RASGEF1A: variants seen among roughly 807,000 people sequenced by gnomAD.
RASGEF1A encodes the protein ras-GEF domain-containing family member 1A.
A neutral mutation model predicts 56.4 loss-of-function variants in RASGEF1A; 18 were observed. The observed-to-expected ratio is 0.32, with a 90% CI of 0.22 to 0.47. The LOEUF (loss-of-function observed/expected upper bound fraction) is 0.47, where lower values mean the gene tolerates loss of function less well. Among genes scored for constraint, RASGEF1A ranks in the 20% least tolerant of loss-of-function variants. RASGEF1A has a pLI of 1.00. For synonymous variants in RASGEF1A, 245 were observed against 242.6 expected (o/e 1.01, Z -0.09); for missense variants, 422 against 627.1 (o/e 0.67, Z 3.49).
Position 43,206,066 on chromosome 10 carries a change from G to C in RASGEF1A, c.51C>G (p.Ser17Arg). The C allele has an allele frequency of 2.5e-6, 4 of 1,605,398 alleles. No individual in the cohort carries two copies. Among genetic ancestry groups the C allele is most frequent in the Non-Finnish European group, 3.4e-6 (4 of 1,176,434 alleles). ...CCCCCATGCCAGGCTGCACCTGTCC[G>C]CTACAGCTGGGCCCAAGGATGCTGG... is the stretch of plus-strand genomic sequence containing the variant. ...VFSSILGPSC[S>R]GQVQPGMGER... The change falls in exon 2 of 13, where the codon AGC (serine) becomes AGG (arginine). Residue 17 changes from serine to arginine, a missense_variant. Coordinates refer to ENST00000395810, the MANE Select transcript of RASGEF1A (RefSeq NM_145313.4).
chr10:43,203,424 A>C lies in RASGEF1A; in HGVS notation c.199-4T>G. The C allele has an allele frequency of 6.5e-7, 1 of 1,544,910 alleles. No individual in the cohort carries two copies. Among genetic ancestry groups the C allele is most frequent in the Non-Finnish European group, 8.8e-7 (1 of 1,141,312 alleles). ...GAAAGGTGAAGATGTACGTCCTCTG[A>C]AGGCAGGAGACGGAGAGAGGGCGGA... is the stretch of plus-strand genomic sequence containing the variant. On this transcript the variant is annotated splice_region_variant and splice_polypyrimidine_tract_variant and intron_variant, in intron 2 of 12. Transcript: ENST00000395810.
At chr10:43,231,809 G>A (rs1188496634) in intron 1 of RASGEF1A, among the ~76,000 whole-genome samples, 1 of 152,264 alleles carries the variant, frequency 6.6e-6, no homozygotes, top group Admixed American at 6.5e-5. Flanking sequence ...CCTGCAGCTG[G>A]GGCTGAGGCT....
intron 1 of RASGEF1A, among the ~76,000 whole-genome samples, chr10:43,245,045 T>G (rs576539519): frequency 6.6e-6 from 1 of 151,834 alleles, no homozygotes; most frequent in South Asian, 2.1e-4. Context: ...AAAATAAAAC[T>G]GACAAACTTC....
chr10:43,202,107 C>T (rs1839909687), intron 3 of RASGEF1A, among the ~76,000 whole-genome samples, 162 bp from the exon 4 acceptor site: 1 of 152,206 alleles, frequency 6.6e-6, no homozygotes, highest in Non-Finnish European at 1.5e-5. Flanking sequence ...CCTGAACCGC[C>T]ACATGACTCC....
chr10:43,231,815 A>C (rs1840372863), intron 1 of RASGEF1A, among the ~76,000 whole-genome samples: 1 of 152,218 alleles, frequency 6.6e-6, no homozygotes, highest in African/African-American at 2.4e-5. Flanking sequence ...GCTGGGGCTG[A>C]GGCTGTCCTG....
intron 7 of RASGEF1A, 135 bp downstream of exon 7, chr10:43,199,541 C>T: frequency 2.8e-6 from 2 of 723,322 alleles, no homozygotes; most frequent in Non-Finnish European, 4.8e-6. Context: ...GGGGGACCAC[C>T]AAGGCCCTGA....
intron 1 of RASGEF1A, among the ~76,000 whole-genome samples, chr10:43,239,423 A>G (rs554752690): frequency 1.3e-5 from 2 of 152,352 alleles, no homozygotes; most frequent in Non-Finnish European, 2.9e-5. Context: ...CCTCTCTTCC[A>G]TAAACGCAAC....
In RASGEF1A at chr10:43,200,277, G is replaced by A. The variant is rs748087725; in HGVS notation, c.682-21C>T. ...CTGTCCTGGGGTGGAAGATAGCAAA[G>A]GGAAGGTGACAAGCTTCCCCTGGAG... is the stretch of plus-strand genomic sequence containing the variant. On this transcript the variant is annotated intron_variant, in intron 5 of 12. Transcript: ENST00000395810. 65 of 1,589,916 alleles carry A rather than the reference G, an allele frequency of 4.1e-5. No homozygotes were observed. The South Asian group carries it at 5.1e-4, about 12-fold the overall frequency.
chr10:43,196,846 G>C lies in RASGEF1A; in HGVS notation c.1348+130C>G. The C allele has an allele frequency of 8.6e-7, 1 of 1,163,706 alleles. No individual in the cohort carries two copies. The highest frequency in any genetic ancestry group is 1.2e-6 in the Non-Finnish European group (1 of 829,352). The allele number at this position is 1,163,706 out of a possible 1,614,324, so 72.1% of individuals were successfully genotyped here. On this transcript the variant is annotated intron_variant, in intron 11 of 12. Coordinates refer to ENST00000395810, the MANE Select transcript of RASGEF1A (RefSeq NM_145313.4). This position sits in a 1 kb window ranked among gnomAD's most constrained non-coding sequence, Gnocchi z 4.6. ...CACCCTCATGCACACTCGCCCCTGC[G>C]AGCAGAGCCAGCCCTGTGTGGCATG...
At position 43,263,274 on chromosome 10, in the gene RASGEF1A, T is replaced by C. The variant is rs117394935; in HGVS notation, c.-7+3571A>G. ...AAATGGGTGTCTGGGAACAAGGCAG[T>C]GGACATCCACGGCCTCTCAAGAAGA... On this transcript the variant is annotated intron_variant, in intron 1 of 12. Transcript: ENST00000395810. 7.4e-3 allele frequency among the ~76,000 whole-genome samples: 1,122 copies of C among 152,050 alleles called. 5 individuals carry two copies. The highest frequency in any genetic ancestry group is 0.017 in the Middle Eastern group (5 of 292).
At chr10:43,203,511 C>CA in intron 2 of RASGEF1A, 91 bp from the exon 3 acceptor site, 1 of 1,443,030 alleles carries the variant, frequency 6.9e-7, no homozygotes, top group Non-Finnish European at 9.2e-7. Context: ...GGCTGCCTCC[C>CA]AGGCCCAGCA....
In RASGEF1A at chr10:43,196,835, C is replaced by G; in HGVS notation, c.1348+141G>C. On this transcript the variant is annotated intron_variant, in intron 11 of 12. Coordinates refer to ENST00000395810, the MANE Select transcript of RASGEF1A (RefSeq NM_145313.4). This position sits in a 1 kb window ranked among gnomAD's most constrained non-coding sequence, Gnocchi z 4.6. ...ATCCCATGACCCACCCTCATGCACACTCGCCCCTGCGAGCAGAGCCAGCCC... is the reference window on the plus strand; with the variant it reads ...ATCCCATGACCCACCCTCATGCACAGTCGCCCCTGCGAGCAGAGCCAGCCC... The G allele has an allele frequency of 2.9e-6, 3 of 1,045,892 alleles. No individual in the cohort carries two copies. 64.8% of individuals were successfully genotyped at this position (1,045,892 alleles called of 1,614,324 possible).
At position 43,202,780 on chromosome 10, in the gene RASGEF1A, A is replaced by C. The variant is rs1403951479; in HGVS notation, c.321+518T>G. On this transcript the variant is annotated intron_variant, in intron 3 of 12. Transcript: ENST00000395810. Reference sequence around the variant, plus strand: ...CGCTCCCACCACGCCCCTAACCCGGACCCAACCCACAGCTCCAGCCCAGAC... The same window carrying C: ...CGCTCCCACCACGCCCCTAACCCGGCCCCAACCCACAGCTCCAGCCCAGAC... 1.7e-4 allele frequency: 78 copies of C among 455,000 alleles called. No homozygotes were observed. The Admixed American group carries it at 1.8e-3, about 11-fold the overall frequency. 28.2% of individuals were successfully genotyped at this position (455,000 alleles called of 1,614,324 possible).
chr10:43,250,617 C>G (rs895079654), intron 1 of RASGEF1A, among the ~76,000 whole-genome samples: 4 of 151,760 alleles, frequency 2.6e-5, no homozygotes, highest in Non-Finnish European at 5.9e-5. Context: ...TGAGAAGCCC[C>G]AAGTGTGGGG....
chr10:43,252,199 C>G (rs1056036036), intron 1 of RASGEF1A, among the ~76,000 whole-genome samples: 15 of 152,224 alleles, frequency 9.9e-5, no homozygotes, highest in African/African-American at 3.6e-4. Context: ...GTGCACGGTA[C>G]TGCCACCCAC....
At chr10:43,248,859 C>T (rs1418789256) in intron 1 of RASGEF1A, among the ~76,000 whole-genome samples, 2 of 151,822 alleles carry the variant, frequency 1.3e-5, no homozygotes, top group Admixed American at 1.3e-4. Context: ...AGTCCTGGGC[C>T]TCATGAAGCA....
intron 1 of RASGEF1A, among the ~76,000 whole-genome samples, chr10:43,227,278 C>T (rs1025309456): frequency 6.6e-6 from 1 of 152,188 alleles, no homozygotes; most frequent in Admixed American, 6.5e-5. Flanking sequence ...CCAGGCAGCC[C>T]TTCCTGACTG....
chr10:43,212,882 C>A (rs781274399), intron 1 of RASGEF1A, among the ~76,000 whole-genome samples: 1 of 152,214 alleles, frequency 6.6e-6, no homozygotes, highest in Non-Finnish European at 1.5e-5. Flanking sequence ...CAGGTTCACA[C>A]AGGTGCACAC....
At chr10:43,218,907 T>C (rs939871845) in intron 1 of RASGEF1A, among the ~76,000 whole-genome samples, 6 of 152,400 alleles carry the variant, frequency 3.9e-5, no homozygotes, top group East Asian at 3.9e-4. Context: ...CAATTTGAAT[T>C]GACTGAAGGA....
Sources: gnomAD v4.1 joint callset for allele counts (sites outside exome capture counted in the v4.1 genomes callset) on GRCh38, gnomAD v4.1.1 for gene constraint, Gnocchi (gnomAD v3.1) non-coding constraint, MANE v1.5 for transcripts, NCBI Gene and HGNC (gene_info 2026-07-23, HGNC 2026-07-21) for gene names.